Variants in ELMO1 observed in about 807,000 individuals in gnomAD.
ELMO1 encodes the protein engulfment and cell motility protein 1.
Under a neutral mutation model 98.9 loss-of-function variants are expected in ELMO1, and 26 were observed. That is an observed-to-expected ratio of 0.26 (90% CI 0.19 to 0.36). The LOEUF is 0.36. Among genes scored for constraint, ELMO1 ranks in the 10% least tolerant of loss-of-function variants. The probability of loss-of-function intolerance (pLI) is 1.00; values close to 1 mark genes in which losing one functional copy is unlikely to be tolerated. For synonymous variants in ELMO1, 346 were observed against 346.0 expected (o/e 1.00, Z 0.00); for missense variants, 627 against 935.2 (o/e 0.67, Z 4.30).
intron 10 of ELMO1, among the ~76,000 whole-genome samples, chr7:37,220,965 G>A (rs1793561256): frequency 6.6e-6 from 1 of 152,150 alleles, no homozygotes; most frequent in Non-Finnish European, 1.5e-5. Flanking sequence ...TCAAGCTTGG[G>A]TATGTACACG....
At chr7:37,061,568 G>C (rs1796668905) in intron 15 of ELMO1, among the ~76,000 whole-genome samples, 1 of 152,098 alleles carries the variant, frequency 6.6e-6, no homozygotes, top group East Asian at 1.9e-4. Flanking sequence ...CAGACATTGA[G>C]GTGGACTAGT....
chr7:37,162,185 A>G (rs540594089), intron 13 of ELMO1, among the ~76,000 whole-genome samples: 2 of 151,918 alleles, frequency 1.3e-5, no homozygotes, highest in South Asian at 4.2e-4. Context: ...CCTCTGCAAA[A>G]AGAGGCTCAA....
At chr7:37,169,237 G>A (rs542345006) in intron 13 of ELMO1, among the ~76,000 whole-genome samples, 8 of 152,270 alleles carry the variant, frequency 5.3e-5, no homozygotes, top group Admixed American at 1.3e-4. Flanking sequence ...TCCAGGTGCC[G>A]TCTGTCACCC....
At chr7:37,417,525 A>G (rs573341196) in intron 1 of ELMO1, among the ~76,000 whole-genome samples, 14 of 152,132 alleles carry the variant, frequency 9.2e-5, no homozygotes, top group Non-Finnish European at 1.9e-4. Context: ...TTAGCTGGGC[A>G]TGGTGGTGGG....
intron 16 of ELMO1, among the ~76,000 whole-genome samples, chr7:36,959,930 C>T (rs1480046336): frequency 6.6e-6 from 1 of 152,160 alleles, no homozygotes; most frequent in Admixed American, 6.5e-5. Context: ...ATCTGTCCAC[C>T]TTGGCCTCCC....
rs185405189 is a variant in ELMO1 at position 37,443,575 on chromosome 7, A to G, written c.-74+5100T>C. ...AATGACCAAATTCTGCTCGTACCGT[A>G]CCTGCACTTATATTGTAACAGGTTA... On this transcript the variant is annotated intron_variant, in intron 1 of 21. Coordinates refer to ENST00000310758, the MANE Select transcript of ELMO1 (RefSeq NM_014800.11). Among the ~76,000 whole-genome samples, 413 of 152,316 alleles carry G rather than the reference A, an allele frequency of 2.7e-3. 2 individuals carry two copies. Among genetic ancestry groups the G allele is most frequent in the Non-Finnish European group, 4.3e-3 (294 of 68,026 alleles).
chr7:37,136,129 G>A (rs915907781), intron 13 of ELMO1, among the ~76,000 whole-genome samples: 1 of 152,022 alleles, frequency 6.6e-6, no homozygotes, highest in Non-Finnish European at 1.5e-5. Flanking sequence ...GAACCTCAAA[G>A]CTCAAAGACA....
At chr7:37,135,271 G>C (rs1025683928) in intron 13 of ELMO1, among the ~76,000 whole-genome samples, 2 of 152,204 alleles carry the variant, frequency 1.3e-5, no homozygotes, top group Non-Finnish European at 2.9e-5. Flanking sequence ...GGAAGGACTA[G>C]TTGCAGCTTC....
chr7:37,235,228 A>G (rs879622985), intron 7 of ELMO1, among the ~76,000 whole-genome samples: 2 of 152,160 alleles, frequency 1.3e-5, no homozygotes, highest in Non-Finnish European at 2.9e-5. Context: ...CAAATATCAG[A>G]TTGCAAAATA....
Position 37,405,814 on chromosome 7 carries a change from T to G in ELMO1, c.-74+42861A>C, listed in dbSNP as rs537388157. On this transcript the variant is annotated intron_variant, in intron 1 of 21. Transcript: ENST00000310758. ...TGAACTTGCTAGCCTCAGAGGACAGTGCATATGCTGTCCCGCCCCAGAGGT... is the reference window on the plus strand; with the variant it reads ...TGAACTTGCTAGCCTCAGAGGACAGGGCATATGCTGTCCCGCCCCAGAGGT... Among the ~76,000 whole-genome samples the G allele has an allele frequency of 1.5e-4, 23 of 152,272 alleles. No homozygotes were observed. The South Asian group carries it at 4.8e-3, about 32-fold the overall frequency.
chr7:37,315,823 A>C (rs1209999473), intron 3 of ELMO1, 97 bp downstream of exon 3: 2 of 1,097,034 alleles, frequency 1.8e-6, no homozygotes, highest in East Asian at 4.8e-5. Flanking sequence ...TCAGTGGGTG[A>C]CTTATGAATA....
At chr7:37,324,687 T>C (rs1799704668) in intron 2 of ELMO1, among the ~76,000 whole-genome samples, 1 of 152,192 alleles carries the variant, frequency 6.6e-6, no homozygotes, top group Admixed American at 6.5e-5. Flanking sequence ...GTTTAAGGGA[T>C]TCTCCTGTCT....
intron 13 of ELMO1, among the ~76,000 whole-genome samples, chr7:37,152,260 TCTC>T (rs1788415069): frequency 6.6e-6 from 1 of 152,078 alleles, no homozygotes; most frequent in South Asian, 2.1e-4. Flanking sequence ...AGGTGGCTGT[TCTC>T]CTGCAAACCC....
At chr7:37,294,185 A>G (rs1327583522) in intron 4 of ELMO1, among the ~76,000 whole-genome samples, 1 of 152,194 alleles carries the variant, frequency 6.6e-6, no homozygotes, top group Non-Finnish European at 1.5e-5. Flanking sequence ...TTCTTTGCAC[A>G]TAACCCACTT....
intron 16 of ELMO1, 68 bp from the exon 17 acceptor site, chr7:36,895,085 A>G: frequency 1.3e-6 from 2 of 1,578,668 alleles, no homozygotes; most frequent in Admixed American, 1.7e-5. Context: ...AGTCTTTCCG[A>G]GTTAAGGGCT....
At chr7:37,005,564 C>T (rs913820107) in intron 16 of ELMO1, among the ~76,000 whole-genome samples, 5 of 151,670 alleles carry the variant, frequency 3.3e-5, no homozygotes, top group African/African-American at 1.2e-4. Context: ...TCGTGGCGGG[C>T]GCCTGTAATC....
intron 2 of ELMO1, among the ~76,000 whole-genome samples, chr7:37,317,795 T>C (rs560630656): frequency 6.6e-6 from 1 of 152,312 alleles, no homozygotes; most frequent in South Asian, 2.1e-4. Context: ...AATAATTTAA[T>C]TGCACATTTT....
intron 20 of ELMO1, chr7:36,861,950 T>G (rs1055720453): frequency 1.7e-6 from 1 of 578,866 alleles, no homozygotes. Flanking sequence ...TCTCATTTAA[T>G]TCGCATGCAG....
chr7:37,405,980 A>T (rs1803741233), intron 1 of ELMO1, among the ~76,000 whole-genome samples: 1 of 152,174 alleles, frequency 6.6e-6, no homozygotes, highest in Admixed American at 6.5e-5. Flanking sequence ...AGTAATTCCC[A>T]GTCCACCGCA....
Sources: gnomAD v4.1 joint callset for allele counts (sites outside exome capture counted in the v4.1 genomes callset) on GRCh38, gnomAD v4.1.1 for gene constraint, MANE v1.5 for transcripts, NCBI Gene and HGNC (gene_info 2026-07-23, HGNC 2026-07-21) for gene names.